CD5L: variants seen among roughly 807,000 people sequenced by gnomAD.
CD5L encodes the protein CD5 antigen-like.
A neutral mutation model predicts 40.8 loss-of-function variants in CD5L; 39 were observed. The ratio of observed to expected loss-of-function variants is 0.96; its 90% CI spans 0.74 to 1.25. The LOEUF (loss-of-function observed/expected upper bound fraction) is 1.25, where lower values mean the gene tolerates loss of function less well. Among genes scored for constraint, CD5L ranks in the 50% most tolerant of loss-of-function variants. CD5L has a pLI of 0.00. For missense variants in CD5L, 433 were observed against 435.9 expected (o/e 0.99, Z 0.06); for synonymous variants, 192 against 169.6 (o/e 1.13, Z -1.03).
In CD5L at chr1:157,831,065, C is replaced by A; in HGVS notation, c.*899G>T. 1 of 985,356 alleles carries A rather than the reference C, an allele frequency of 1.0e-6. No individual in the cohort carries two copies. Among genetic ancestry groups the A allele is most frequent in the Non-Finnish European group, 1.2e-6 (1 of 829,900 alleles). The allele number at this position is 985,356 out of a possible 1,614,324, so 61.0% of individuals were successfully genotyped here. Reference sequence around the variant, plus strand: ...TTCTGTCTTGCCTCAAGCTTACAGGCCCCAAAGTCTCAGTTGATAAAGTGA... The same window carrying A: ...TTCTGTCTTGCCTCAAGCTTACAGGACCCAAAGTCTCAGTTGATAAAGTGA... On this transcript the variant is annotated 3_prime_UTR_variant, in exon 6 of 6. Transcript: ENST00000368174.
At chr1:157,839,270 A>G (rs190026449) in intron 2 of CD5L, 114 bp downstream of exon 2, 257 of 986,496 alleles carry the variant, frequency 2.6e-4, no homozygotes, top group Non-Finnish European at 4.0e-4. Flanking sequence ...GAAGCCAGAA[A>G]GGAAGTCTGC....
chr1:157,839,386 A>G lies in CD5L; in HGVS notation c.53T>C (p.Leu18Pro). 1 of 1,613,716 alleles carries G rather than the reference A, an allele frequency of 6.2e-7. No individual in the cohort carries two copies. The highest frequency in any genetic ancestry group is 8.5e-7 in the Non-Finnish European group (1 of 1,179,846). ...TCAGAAACCCCCAAAAATCTTACCT[A>G]GGAATCCAGGTCTGGTGCAAATGGC... The part of the protein sequence containing the change: ...ILAICTRPGF[L>P]ASPSGVRLVG... The change falls in exon 2 of 6, where the codon CTA (leucine) becomes CCA (proline). Residue 18 changes from leucine to proline, a missense_variant and splice_region_variant. Leu to Pro is a moderately conservative substitution (Grantham distance 98). Transcript: ENST00000368174.
intron 5 of CD5L, among the ~76,000 whole-genome samples, chr1:157,832,542 A>G (rs1041597829): frequency 2.6e-5 from 4 of 152,144 alleles, no homozygotes; most frequent in Admixed American, 6.5e-5. Flanking sequence ...TCTAACCCAA[A>G]TTGGGAAAGG....
intron 3 of CD5L, 151 bp from the exon 4 acceptor site, chr1:157,834,899 A>C: frequency 1.8e-6 from 1 of 562,768 alleles, no homozygotes; most frequent in Non-Finnish European, 3.1e-6. Flanking sequence ...CTGCTGAAAG[A>C]ATGAATGAGG....
intron 2 of CD5L, among the ~76,000 whole-genome samples, chr1:157,838,397 A>G (rs1656277552): frequency 6.6e-6 from 1 of 152,150 alleles, no homozygotes; most frequent in African/African-American, 2.4e-5. Flanking sequence ...ATCTGACATT[A>G]GAGTTTGGAT....
intron 3 of CD5L, 124 bp from the exon 4 acceptor site, chr1:157,834,872 C>G: frequency 3.2e-6 from 2 of 634,072 alleles, no homozygotes; most frequent in Non-Finnish European, 5.4e-6. Flanking sequence ...AAGTGCTTAA[C>G]ACTGCCTCAT....
Position 157,835,915 on chromosome 1 carries a change from G to A in CD5L, c.296C>T (p.Thr99Ile). 10 of 1,614,184 alleles carry A rather than the reference G, an allele frequency of 6.2e-6. No individual in the cohort carries two copies. The highest frequency in any genetic ancestry group is 8.5e-6 in the Non-Finnish European group (10 of 1,180,012). ...CTCACACTGAGCCAATGTATCTTCT[G>A]TTCCTGTGCAACTGACTGATTGGAT... ...VLIQSVSCTGTEDTLAQCEQE... is the reference protein window; with the variant it reads ...VLIQSVSCTGIEDTLAQCEQE... The change falls in exon 3 of 6, where the codon ACA becomes ATA. Residue 99 changes from threonine (T) to isoleucine (I), a missense_variant. By Grantham distance (89) the Thr-to-Ile change is moderately conservative. Transcript: ENST00000368174.
chr1:157,831,572 A>G lies in CD5L; in HGVS notation c.*392T>C. The stretch of plus-strand genomic sequence containing the variant: ...CCTTTAATGTTTGCAGACATAGATT[A>G]GTAATAGGACCTAGATTAGTAATGT... On this transcript the variant is annotated 3_prime_UTR_variant, in exon 6 of 6. Transcript: ENST00000368174. The G allele has an allele frequency of 9.8e-7, 1 of 1,023,144 alleles. No individual in the cohort carries two copies. Among genetic ancestry groups the G allele is most frequent in the Non-Finnish European group, 1.2e-6 (1 of 855,190 alleles). 63.4% of individuals were successfully genotyped at this position (1,023,144 alleles called of 1,614,324 possible). A position where few individuals can be genotyped will look rare whatever the true frequency, so the allele number is the denominator to read the frequency against.
rs1164034556 is a variant in CD5L, at chr1:157,831,979, A to AAG, written c.1040-13_1040-12dup. 1.3e-6 allele frequency: 2 copies of AAG among 1,582,468 alleles called. No individual in the cohort carries two copies. Among genetic ancestry groups the AAG allele is most frequent in the South Asian group, 2.3e-5 (2 of 85,766 alleles). On this transcript the variant is annotated splice_polypyrimidine_tract_variant and intron_variant, in intron 5 of 5. Transcript: ENST00000368174. ...CACCAGGATACTATCCTATAAAGAGAAGAGGAAAATGCAGTAAGGATGGGT... is the reference window on the plus strand; with the variant it reads ...CACCAGGATACTATCCTATAAAGAGAAGAGAGGAAAATGCAGTAAGGATGGGT...
At position 157,834,400 on chromosome 1, in the gene CD5L, G is replaced by A. The variant is rs1390995837; in HGVS notation, c.718+7C>T. Reference sequence around the variant, plus strand: ...ATAAACCTAGTCTTTGGACGCACAGGCATTACCTTCACATTCGACCCACGT... The same window carrying A: ...ATAAACCTAGTCTTTGGACGCACAGACATTACCTTCACATTCGACCCACGT... On this transcript the variant is annotated splice_region_variant and intron_variant, in intron 4 of 5. Coordinates refer to ENST00000368174, the MANE Select transcript of CD5L (RefSeq NM_005894.3). 1 of 1,605,926 alleles carries A rather than the reference G, an allele frequency of 6.2e-7. No individual in the cohort carries two copies. Among genetic ancestry groups the A allele is most frequent in the Non-Finnish European group, 8.5e-7 (1 of 1,174,072 alleles).
At chr1:157,834,307 T>G in intron 4 of CD5L, 100 bp downstream of exon 4, 1 of 972,318 alleles carries the variant, frequency 1.0e-6, no homozygotes, top group Non-Finnish European at 1.5e-6. Context: ...TTTGCAATGG[T>G]CCTTTGGTGC....
rs910419302 is a variant in CD5L, at chr1:157,833,435, C to T, written c.796G>A (p.Gly266Ser). Residue 266 changes from glycine to serine, a missense_variant, in exon 5 of 6, where the codon GGC becomes AGC. Gly to Ser is a moderately conservative substitution (Grantham distance 56). Coordinates refer to ENST00000368174, the MANE Select transcript of CD5L (RefSeq NM_005894.3). ...RLEVLHKGVWGSVCDDNWGEK... is the reference protein window; with the variant it reads ...RLEVLHKGVWSSVCDDNWGEK... The stretch of plus-strand genomic sequence containing the variant: ...CCCCAGTTGTCATCACAGACAGAGC[C>T]CCATACGCCCTTGTGCAGCACCTCC... 6.2e-7 allele frequency: 1 copy of T among 1,614,044 alleles called. No homozygotes were observed. The highest frequency in any genetic ancestry group is 8.5e-7 in the Non-Finnish European group (1 of 1,180,044).
chr1:157,833,529 G>C lies in CD5L; in HGVS notation c.719-17C>G. 2 of 1,580,948 alleles carry C rather than the reference G, an allele frequency of 1.3e-6. No individual in the cohort carries two copies. The highest frequency in any genetic ancestry group is 1.7e-6 in the Non-Finnish European group (2 of 1,157,288). On this transcript the variant is annotated splice_polypyrimidine_tract_variant and intron_variant, in intron 4 of 5. Transcript: ENST00000368174. ...CAAAGGGATCTGCAGGATGGGGGAG[G>C]AAGTCAGGGGTTGGAGACAGGAAGG...
chr1:157,838,240 C>T (rs962025133), intron 2 of CD5L, among the ~76,000 whole-genome samples: 4 of 151,816 alleles, frequency 2.6e-5, no homozygotes, highest in Admixed American at 6.6e-5. Context: ...TTATATAAAC[C>T]GTAAAAAACT....
In CD5L at chr1:157,834,420, C is replaced by A. The variant is rs1186465385; in HGVS notation, c.705G>T (p.Trp235Cys). ...KNTCNHDEDT[W>C]VECEDPFDLR... is the part of the protein sequence containing the mutation. ...CACAGGCATTACCTTCACATTCGAC[C>A]CACGTGTCTTCATCATGGTTGCAGG... The change falls in exon 4 of 6, where the codon TGG becomes TGT. Residue 235 changes from tryptophan (W) to cysteine (C), a missense_variant. Transcript: ENST00000368174. 5.0e-6 allele frequency: 8 copies of A among 1,612,654 alleles called. No individual in the cohort carries two copies. Among genetic ancestry groups the A allele is most frequent in the Non-Finnish European group, 6.8e-6 (8 of 1,179,060 alleles).
intron 2 of CD5L, among the ~76,000 whole-genome samples, chr1:157,839,095 A>T (rs929312348): frequency 6.6e-6 from 1 of 152,240 alleles, no homozygotes; most frequent in African/African-American, 2.4e-5. Context: ...TAAGGCAGTG[A>T]AGTGCATTCT....
downstream of CD5L, among the ~76,000 whole-genome samples, chr1:157,828,523 T>A (rs138808776): frequency 6.6e-6 from 1 of 152,260 alleles, no homozygotes; most frequent in Non-Finnish European, 1.5e-5. Context: ...TCTCAATCAA[T>A]GGCATATGAG....
Position 157,833,490 on chromosome 1 carries a change from T to C in CD5L, c.741A>G (p.Val247=). The C allele has an allele frequency of 6.2e-7, 1 of 1,612,422 alleles. No individual in the cohort carries two copies. Among genetic ancestry groups the C allele is most frequent in the South Asian group, 1.1e-5 (1 of 91,026 alleles). Residue 247 remains valine, a synonymous_variant, in exon 5 of 6, where the codon GTA becomes GTG. Coordinates refer to ENST00000368174, the MANE Select transcript of CD5L (RefSeq NM_005894.3). The stretch of plus-strand genomic sequence containing the variant: ...GCCCAGAGCAGAGGTTGTCTCCTCC[T>C]ACTAGTCTCAAGTCAAAGGGATCTG... ...ECEDPFDLRL[V]GGDNLCSGRL...
downstream of CD5L, among the ~76,000 whole-genome samples, chr1:157,828,417 A>T (rs1000394000): frequency 6.6e-5 from 10 of 152,136 alleles, no homozygotes; most frequent in Non-Finnish European, 1.2e-4. Context: ...TGTCCCCTCA[A>T]GTGCCCGCAT....
Sources: gnomAD v4.1 joint callset for allele counts (sites outside exome capture counted in the v4.1 genomes callset) on GRCh38, gnomAD v4.1.1 for gene constraint, MANE v1.5 for transcripts, NCBI Gene and HGNC (gene_info 2026-07-23, HGNC 2026-07-21) for gene names.